PHF14: variants seen among roughly 807,000 people sequenced by gnomAD.
PHF14 encodes PHD finger protein 14.
Under a neutral mutation model 117.9 loss-of-function variants are expected in PHF14, and 55 were observed. The ratio of observed to expected loss-of-function variants is 0.47; its 90% confidence interval spans 0.38 to 0.58. The LOEUF (loss-of-function observed/expected upper bound fraction) is 0.58, where lower values mean the gene tolerates loss of function less well. Ranked by LOEUF, PHF14 falls within the 20% of genes least tolerant of loss-of-function variation. The probability of loss-of-function intolerance (pLI) is 0.00; values close to 1 mark genes in which losing one functional copy is unlikely to be tolerated. For synonymous variants in PHF14, 409 were observed against 368.6 expected (o/e 1.11, Z -1.26); for missense variants, 978 against 1,122.2 (o/e 0.87, Z 1.84).
intron 3 of PHF14, among the ~76,000 whole-genome samples, chr7:10,989,539 G>A (rs1782369525): frequency 6.6e-6 from 1 of 152,108 alleles, no homozygotes; most frequent in South Asian, 2.1e-4. Context: ...CTTACTTAAA[G>A]TTTAAATCTA....
At chr7:11,164,995 G>A (rs980855868) in intron 17 of PHF14, among the ~76,000 whole-genome samples, 12 of 152,024 alleles carry the variant, frequency 7.9e-5, no homozygotes, top group African/African-American at 2.4e-4. Flanking sequence ...CGCGATCTCC[G>A]CTCACTGCAG....
chr7:11,157,757 T>C (rs2128355988), intron 17 of PHF14, among the ~76,000 whole-genome samples: 1 of 152,332 alleles, frequency 6.6e-6, no homozygotes, highest in East Asian at 1.9e-4. Flanking sequence ...GACTGTATGA[T>C]TCTACTAGCT....
intron 11 of PHF14, among the ~76,000 whole-genome samples, chr7:11,039,071 A>G (rs548050989): frequency 2.0e-5 from 3 of 152,260 alleles, no homozygotes; most frequent in Non-Finnish European, 2.9e-5. Flanking sequence ...TTCAACAGCT[A>G]TCTTGTGTGC....
At chr7:11,027,985 A>T (rs1428617363) in intron 6 of PHF14, among the ~76,000 whole-genome samples, 1 of 152,108 alleles carries the variant, frequency 6.6e-6, no homozygotes, top group African/African-American at 2.4e-5. Context: ...TCTTCATAGT[A>T]GTTGTGTTTA....
At chr7:11,028,916 A>G (rs1203789842) in intron 7 of PHF14, 98 bp downstream of exon 7, 4 of 1,012,506 alleles carry the variant, frequency 4.0e-6, no homozygotes, top group East Asian at 5.6e-5. Context: ...AAATTTTAAC[A>G]TTTATTCTTA....
intron 6 of PHF14, among the ~76,000 whole-genome samples, chr7:11,023,487 C>G (rs147387249): frequency 6.6e-6 from 1 of 152,176 alleles, no homozygotes; most frequent in Non-Finnish European, 1.5e-5. Flanking sequence ...CTATCTTTCT[C>G]CCTGACTTGG....
At chr7:11,084,780 T>C (rs1786316853) in intron 16 of PHF14, among the ~76,000 whole-genome samples, 1 of 152,180 alleles carries the variant, frequency 6.6e-6, no homozygotes, top group Admixed American at 6.5e-5. Flanking sequence ...GTCAATTTGA[T>C]GGATGAAAAT....
chr7:11,115,571 C>T (rs552228428), intron 17 of PHF14, among the ~76,000 whole-genome samples: 2 of 152,004 alleles, frequency 1.3e-5, no homozygotes, highest in South Asian at 4.1e-4. Context: ...TGAAATCTGT[C>T]AGTGTTTTTT....
In PHF14 at chr7:11,022,960, A is replaced by G; in HGVS notation, c.1298A>G (p.Tyr433Cys). ...CCAGTAACACTAACGGAAATGAACT[A>G]TTCCAAATATGGTGCCAAGGTGAGA... Reference protein sequence around the residue: ...LRPVTLTEMNYSKYGAKECSF... With the variant: ...LRPVTLTEMNCSKYGAKECSF... The change falls in exon 6 of 18, where the codon TAT (tyrosine) becomes TGT (cysteine). Residue 433 changes from tyrosine (Y) to cysteine (C), a missense_variant. Physicochemically the swap from Tyr to Cys is radical, Grantham distance 194. Around this residue, in one of 7 missense-constraint regions of PHF14, gnomAD observed 86 missense variants for 137.8 expected, o/e 0.62. Coordinates refer to ENST00000634607, the MANE Select transcript of PHF14 (RefSeq NM_001007157.2). 1.3e-6 allele frequency: 2 copies of G among 1,598,916 alleles called. No homozygotes were observed. Among genetic ancestry groups the G allele is most frequent in the Non-Finnish European group, 1.7e-6 (2 of 1,168,500 alleles).
intron 12 of PHF14, among the ~76,000 whole-genome samples, chr7:11,041,867 G>GTA (rs776982008): frequency 8.6e-5 from 13 of 151,560 alleles, no homozygotes; most frequent in Non-Finnish European, 1.9e-4. Context: ...TTAAGTGTGT[G>GTA]TGTGTGTGTG....
intron 17 of PHF14, among the ~76,000 whole-genome samples, chr7:11,134,199 G>A (rs1788158102): frequency 6.6e-6 from 1 of 151,814 alleles, no homozygotes; most frequent in South Asian, 2.1e-4. Flanking sequence ...AATCTAACTT[G>A]CTTAGAAACT....
At chr7:10,976,046 A>T (rs1378593110) in intron 2 of PHF14, among the ~76,000 whole-genome samples, 1 of 152,210 alleles carries the variant, frequency 6.6e-6, no homozygotes, top group Non-Finnish European at 1.5e-5. Flanking sequence ...TTTACAGGTA[A>T]CAGGGGTATT....
intron 4 of PHF14, among the ~76,000 whole-genome samples, chr7:10,998,233 G>A (rs1266800407): frequency 1.3e-5 from 2 of 152,158 alleles, no homozygotes; most frequent in African/African-American, 4.8e-5. Flanking sequence ...ATGTAGCTAG[G>A]TTGTTAGATG....
intron 16 of PHF14, chr7:11,107,034 A>G (rs1787292148): frequency 5.1e-6 from 5 of 983,746 alleles, no homozygotes; most frequent in South Asian, 4.7e-5. Flanking sequence ...ACAAATGGCT[A>G]TAAATTATTT....
In PHF14 at chr7:11,157,642, T is replaced by G. The variant is rs535338906; in HGVS notation, c.2773-11774T>G. On this transcript the variant is annotated intron_variant, in intron 17 of 17. Transcript: ENST00000634607. ...AATAAAAATGGATCATATTACATTT[T>G]TACCATATTACAGTTGAATAATTTT... is the stretch of plus-strand genomic sequence containing the variant. Among the ~76,000 whole-genome samples, 209 of 152,282 alleles carry G rather than the reference T, an allele frequency of 1.4e-3. 2 individuals are homozygous for G. Among genetic ancestry groups the G allele is most frequent in the African/African-American group, 4.9e-3 (204 of 41,560 alleles).
intron 16 of PHF14, chr7:11,102,668 C>A: frequency 1.3e-6 from 2 of 1,489,654 alleles, no homozygotes; most frequent in South Asian, 2.7e-5. Context: ...TTTTGCTTGT[C>A]AGGTTTGGAT....
At chr7:11,077,783 G>C (rs1343847627) in intron 16 of PHF14, among the ~76,000 whole-genome samples, 1 of 151,996 alleles carries the variant, frequency 6.6e-6, no homozygotes, top group East Asian at 1.9e-4. Flanking sequence ...AATGAGTGGA[G>C]CAATACAAGG....
At chr7:11,102,613 A>C (rs1286616110) in intron 16 of PHF14, 2 of 1,561,558 alleles carry the variant, frequency 1.3e-6, no homozygotes, top group Non-Finnish European at 1.7e-6. Flanking sequence ...AAAGGAGAAC[A>C]GCTATATTGT....
intron 17 of PHF14, among the ~76,000 whole-genome samples, chr7:11,139,666 A>G (rs1308500293): frequency 6.6e-6 from 1 of 152,224 alleles, no homozygotes; most frequent in East Asian, 1.9e-4. Flanking sequence ...TTAAAAGGGA[A>G]GTCAAGTGTG....
Sources: gnomAD v4.1 joint callset for allele counts (sites outside exome capture counted in the v4.1 genomes callset) on GRCh38, gnomAD v4.1.1 for gene constraint, gnomAD v4.1.1 regional missense constraint, MANE v1.5 for transcripts, NCBI Gene and HGNC (gene_info 2026-07-23, HGNC 2026-07-21) for gene names.